Variants in SLC6A5 observed in about 807,000 individuals in gnomAD.
SLC6A5 encodes the protein sodium- and chloride-dependent glycine transporter 2.
In SLC6A5, 58 loss-of-function variants were observed where a neutral mutation model predicts 90.5. The observed-to-expected ratio is 0.64, with a 90% confidence interval of 0.52 to 0.80. The LOEUF (loss-of-function observed/expected upper bound fraction) is 0.80, where lower values mean the gene tolerates loss of function less well. SLC6A5 is among the 30% of genes least tolerant of loss of function. SLC6A5 has a pLI of 0.00. For synonymous variants in SLC6A5, 427 were observed against 401.4 expected (o/e 1.06, Z -0.76); for missense variants, 1,015 against 1,017.6 (o/e 1.00, Z 0.03).
intron 1 of SLC6A5, among the ~76,000 whole-genome samples, chr11:20,600,341 A>AGAAGAAGAAGAG (rs1565268943): frequency 1.6e-4 from 7 of 45,084 alleles, no homozygotes; most frequent in Non-Finnish European, 2.5e-4. Context: ...AAGAGGAAGA[A>AGAAGAAGAAGAG]GAAGAAGAAG....
At chr11:20,633,123 C>T (rs1205165698) in intron 10 of SLC6A5, among the ~76,000 whole-genome samples, 1 of 152,098 alleles carries the variant, frequency 6.6e-6, no homozygotes, top group African/African-American at 2.4e-5. Flanking sequence ...CCACCATATG[C>T]ATTACCACCT....
chr11:20,627,725 C>T (rs1263950954), intron 8 of SLC6A5, among the ~76,000 whole-genome samples: 1 of 152,190 alleles, frequency 6.6e-6, no homozygotes, highest in East Asian at 1.9e-4. Context: ...CAGGAGAGAA[C>T]ATATGAGCAT....
At chr11:20,599,942 C>T (rs1401596885) in intron 1 of SLC6A5, among the ~76,000 whole-genome samples, 1 of 152,114 alleles carries the variant, frequency 6.6e-6, no homozygotes, top group Non-Finnish European at 1.5e-5. Context: ...GCTGAAAAGC[C>T]AGATGCCGGT....
chr11:20,603,994 C>T (rs1590153825), intron 2 of SLC6A5, among the ~76,000 whole-genome samples: 2 of 151,854 alleles, frequency 1.3e-5, no homozygotes, highest in African/African-American at 4.8e-5. Flanking sequence ...TGCTGGTGCG[C>T]CCTGACTGTA....
intron 10 of SLC6A5, among the ~76,000 whole-genome samples, chr11:20,634,899 T>C (rs1853174879): frequency 6.6e-6 from 1 of 152,206 alleles, no homozygotes; most frequent in African/African-American, 2.4e-5. Context: ...CATTCACTTG[T>C]CTCTGCCCAT....
chr11:20,639,986 T>C (rs1489115584), intron 13 of SLC6A5, among the ~76,000 whole-genome samples: 1 of 152,156 alleles, frequency 6.6e-6, no homozygotes, highest in Admixed American at 6.5e-5. Context: ...GGAGTTAGGG[T>C]GAGGCTTCAA....
intron 13 of SLC6A5, among the ~76,000 whole-genome samples, chr11:20,645,535 C>T (rs1026435209): frequency 5.3e-5 from 8 of 151,510 alleles, no homozygotes; most frequent in African/African-American, 1.7e-4. Flanking sequence ...TGAAAATGTA[C>T]AAGGAGTATT....
chr11:20,633,842 G>C (rs1410924169), intron 10 of SLC6A5, among the ~76,000 whole-genome samples: 1 of 152,164 alleles, frequency 6.6e-6, no homozygotes, highest in East Asian at 1.9e-4. Flanking sequence ...GACCCCCTAA[G>C]TCCTCGGCTA....
At chr11:20,600,387 GA>G (rs1852442204) in intron 1 of SLC6A5, among the ~76,000 whole-genome samples, 1 of 148,968 alleles carries the variant, frequency 6.7e-6, no homozygotes, top group Non-Finnish European at 1.5e-5. Flanking sequence ...AGAAGAAGAA[GA>G]AGAAGAAGAA....
At position 20,604,383 on chromosome 11, in the gene SLC6A5, A is replaced by C; in HGVS notation, c.638A>C (p.Asn213Thr). The change falls in exon 3 of 16, where the codon AAT becomes ACT. Residue 213 changes from asparagine (N) to threonine (T), a missense_variant. By Grantham distance (65) the Asn-to-Thr change is moderately conservative. Transcript: ENST00000525748. The part of the protein sequence containing the change: ...SMVGYAVGLG[N>T]VWRFPYLAFQ... The stretch of plus-strand genomic sequence containing the variant: ...GTGGGGTACGCAGTGGGGCTGGGCA[A>C]TGTCTGGAGGTTTCCCTACCTGGCC... The C allele has an allele frequency of 1.2e-6, 2 of 1,613,822 alleles. No homozygotes were observed. The highest frequency in any genetic ancestry group is 1.7e-6 in the Non-Finnish European group (2 of 1,179,854).
chr11:20,605,056 C>A (rs1374783499), intron 3 of SLC6A5, among the ~76,000 whole-genome samples: 1 of 152,166 alleles, frequency 6.6e-6, no homozygotes. Flanking sequence ...GTGGGGAGGA[C>A]ACTAGTTAGG....
chr11:20,624,960 GC>G (rs1852964455), intron 7 of SLC6A5, among the ~76,000 whole-genome samples: 1 of 152,144 alleles, frequency 6.6e-6, no homozygotes, highest in African/African-American at 2.4e-5. Flanking sequence ...TACTATTGTT[GC>G]CACTTTGCAG....
At chr11:20,623,443 C>T (rs1005769608) in intron 7 of SLC6A5, among the ~76,000 whole-genome samples, 1 of 152,134 alleles carries the variant, frequency 6.6e-6, no homozygotes. Context: ...TTCTCACCAG[C>T]TCCAGCGACA....
At chr11:20,638,342 T>C (rs1853248959) in intron 12 of SLC6A5, 117 bp from the exon 13 acceptor site, 1 of 743,518 alleles carries the variant, frequency 1.3e-6, no homozygotes, top group Admixed American at 1.8e-5. Context: ...GGGAGATGCA[T>C]GGACTCCTGT....
Position 20,652,380 on chromosome 11 carries a change from T to C in SLC6A5, c.2162T>C (p.Met721Thr), listed in dbSNP as rs746672151. Reference sequence around the variant, plus strand: ...TGGTCCATGGTGCTCGGATGGCTAATGCTCGCCTGTTCCGTCATCTGGATC... The same window carrying C: ...TGGTCCATGGTGCTCGGATGGCTAACGCTCGCCTGTTCCGTCATCTGGATC... ...PNWSMVLGWL[M>T]LACSVIWIPI... The change falls in exon 15 of 16, where the codon ATG (methionine) becomes ACG (threonine). Residue 721 changes from methionine to threonine, a missense_variant. Physicochemically the swap from Met to Thr is moderately conservative, Grantham distance 81 (BLOSUM62 -1). This residue lies in a region of SLC6A5 where 442 missense variants were observed against 494.3 expected (regional missense o/e 0.89). Transcript: ENST00000525748. 92 of 1,614,048 alleles carry C rather than the reference T, an allele frequency of 5.7e-5. No individual in the cohort carries two copies. The highest frequency in any genetic ancestry group is 7.5e-5 in the Non-Finnish European group (89 of 1,180,016).
chr11:20,654,908 C>T lies in SLC6A5; in HGVS notation c.*40C>T, dbSNP rs748382993. On this transcript the variant is annotated 3_prime_UTR_variant, in exon 16 of 16. Transcript: ENST00000525748. ...ATGGTCCAGACTTGATCCTGTTTTT[C>T]CTCTCTGCCTCCTCCTAATGTTTTC... 6.3e-7 allele frequency: 1 copy of T among 1,590,356 alleles called. No individual in the cohort carries two copies. The highest frequency in any genetic ancestry group is 2.2e-5 in the East Asian group (1 of 44,796).
At position 20,601,258 on chromosome 11, in the gene SLC6A5, G is replaced by A; in HGVS notation, c.133G>A (p.Ala45Thr). ...SPEQELPAAAAPPPPRVPRSA... is the reference protein window; with the variant it reads ...SPEQELPAAATPPPPRVPRSA... ...GGAGCAGGAGCTTCCCGCGGCTGCC[G>A]CCCCGCCGCCGCCACGTGTGCCCAG... Residue 45 changes from alanine (A) to threonine (T), a missense_variant, in exon 2 of 16, where the codon GCC (alanine) becomes ACC (threonine). This residue lies in a region of SLC6A5 where 567 missense variants were observed against 507.3 expected (regional missense o/e 1.12). Transcript: ENST00000525748. 4 of 1,582,754 alleles carry A rather than the reference G, an allele frequency of 2.5e-6. No individual in the cohort carries two copies. The highest frequency in any genetic ancestry group is 1.1e-5 in the South Asian group (1 of 88,852).
At position 20,655,794 on chromosome 11, in the gene SLC6A5, G is replaced by C. The variant is rs1019039699; in HGVS notation, c.*926G>C. ...CCTCTGGGAAAACAAGACTTACCCT[G>C]GTTCTGTCTATATATTATATATATA... On this transcript the variant is annotated 3_prime_UTR_variant, in exon 16 of 16. Transcript: ENST00000525748. The C allele has an allele frequency of 6.6e-6, 1 of 152,050 alleles. No homozygotes were observed. Among genetic ancestry groups the C allele is most frequent in the Non-Finnish European group, 1.5e-5 (1 of 68,024 alleles). The allele number at this position is 152,050 out of a possible 1,614,324, so 9.4% of individuals were successfully genotyped here.
intron 1 of SLC6A5, 108 bp downstream of exon 1, chr11:20,599,783 G>T: frequency 4.0e-6 from 5 of 1,255,898 alleles, no homozygotes; most frequent in Non-Finnish European, 5.8e-6. Flanking sequence ...TGGGTGGGGG[G>T]AAAGGGGGCG....
Sources: allele counts gnomAD v4.1 joint callset (sites outside exome capture counted in the v4.1 genomes callset), GRCh38; gene constraint gnomAD v4.1.1; regional missense constraint gnomAD v4.1.1; transcripts MANE v1.5; gene names NCBI Gene and HGNC (gene_info 2026-07-23, HGNC 2026-07-21).